FHIP1A: variants seen among roughly 807,000 people sequenced by gnomAD.
The protein encoded by FHIP1A is FHF complex subunit HOOK-interacting protein 1A.
A neutral mutation model predicts 88.6 loss-of-function variants in FHIP1A; 61 were observed. That is an observed-to-expected ratio of 0.69 (90% CI 0.56 to 0.85). The LOEUF is 0.85. Ranked by LOEUF, FHIP1A falls within the 40% of genes least tolerant of loss-of-function variation. The pLI is 0.00. For synonymous variants in FHIP1A, 478 were observed against 496.0 expected, an observed-to-expected ratio of 0.96 and a Z score of 0.48; for missense variants, 1,154 against 1,273.5, an observed-to-expected ratio of 0.91 and a Z score of 1.43.
chr4:151,468,502 T>C (rs1358932272), intron 2 of FHIP1A, among the ~76,000 whole-genome samples: 4 of 152,142 alleles, frequency 2.6e-5, no homozygotes, highest in African/African-American at 9.7e-5. Context: ...TCTATTAGCA[T>C]TCTTCTTGCT....
At chr4:151,563,208 A>G (rs1441418750) in intron 3 of FHIP1A, among the ~76,000 whole-genome samples, 1 of 152,104 alleles carries the variant, frequency 6.6e-6, no homozygotes, top group Non-Finnish European at 1.5e-5. Context: ...AAGCTATTGT[A>G]TATATATTTT....
At chr4:151,568,876 G>A (rs1392768247) in intron 4 of FHIP1A, among the ~76,000 whole-genome samples, 1 of 152,102 alleles carries the variant, frequency 6.6e-6, no homozygotes, top group Non-Finnish European at 1.5e-5. Flanking sequence ...AGCTTTTTTG[G>A]ATGGTACATA....
Position 151,666,467 on chromosome 4 carries a change from T to C in FHIP1A, c.*3713T>C, listed in dbSNP as rs1328202606. On this transcript the variant is annotated 3_prime_UTR_variant, in exon 14 of 14. Transcript: ENST00000435205. ...GAGTACCCTTTCCTTAGCAGGTGGA[T>C]TTTATTTAGGTCAGATATAGTTAGT... 6.6e-6 allele frequency among the ~76,000 whole-genome samples: 1 copy of C among 152,188 alleles called. No individual in the cohort carries two copies. The highest frequency in any genetic ancestry group is 1.5e-5 in the Non-Finnish European group (1 of 68,042).
At chr4:151,521,689 G>A (rs1248513066) in intron 3 of FHIP1A, among the ~76,000 whole-genome samples, 1 of 58,908 alleles carries the variant, frequency 1.7e-5, no homozygotes, top group Non-Finnish European at 4.3e-5. Flanking sequence ...ATGTATGTAT[G>A]TATGTATGTA....
intron 3 of FHIP1A, among the ~76,000 whole-genome samples, chr4:151,511,342 T>G (rs1731020720): frequency 6.6e-6 from 1 of 152,168 alleles, no homozygotes; most frequent in Non-Finnish European, 1.5e-5. Flanking sequence ...GGTCTACAGC[T>G]CCTAGTGTGA....
At chr4:151,615,275 A>T (rs1270646859) in intron 7 of FHIP1A, among the ~76,000 whole-genome samples, 1 of 36,508 alleles carries the variant, frequency 2.7e-5, no homozygotes, top group Non-Finnish European at 4.5e-5. Context: ...AAAACCATGA[A>T]ATTTATTATC....
At chr4:151,489,565 G>C (rs1191724155) in intron 3 of FHIP1A, among the ~76,000 whole-genome samples, 2 of 152,158 alleles carry the variant, frequency 1.3e-5, no homozygotes, top group Non-Finnish European at 2.9e-5. Flanking sequence ...TCTCAGCAGG[G>C]AGGCTTGTAG....
At chr4:151,637,697 A>G (rs7685697) in intron 8 of FHIP1A, among the ~76,000 whole-genome samples, 48,582 of 152,066 alleles carry the variant, frequency 0.32, 7,788 homozygotes, top group Non-Finnish European at 0.33. Context: ...GAGTTAGCCC[A>G]TGGGGGAGTC....
intron 3 of FHIP1A, among the ~76,000 whole-genome samples, chr4:151,518,534 A>G (rs1055056368): frequency 2.6e-5 from 4 of 152,140 alleles, no homozygotes; most frequent in African/African-American, 9.7e-5. Context: ...TCAAACATAG[A>G]GCAAAGTTGA....
Position 151,664,236 on chromosome 4 carries a change from C to A in FHIP1A, c.*1482C>A, listed in dbSNP as rs577127891. On this transcript the variant is annotated 3_prime_UTR_variant, in exon 14 of 14. Transcript: ENST00000435205. ...GCAGCCACAGGTCTGGTGGTTGTGC[C>A]TCAGGAGCACTGGTTTGGTCTTAAT... 2.6e-5 allele frequency among the ~76,000 whole-genome samples: 4 copies of A among 152,208 alleles called. No individual in the cohort carries two copies. The highest frequency in any genetic ancestry group is 5.9e-5 in the Non-Finnish European group (4 of 68,044).
chr4:151,602,048 T>G (rs1734892502), intron 7 of FHIP1A, among the ~76,000 whole-genome samples: 1 of 152,008 alleles, frequency 6.6e-6, no homozygotes, highest in Non-Finnish European at 1.5e-5. Context: ...CAGAACAGCA[T>G]GGGAAAGACC....
chr4:151,433,956 A>AT (rs1256340572), intron 1 of FHIP1A, among the ~76,000 whole-genome samples: 45 of 152,300 alleles, frequency 3.0e-4, no homozygotes, highest in African/African-American at 1.1e-3. Context: ...TTTTTCCGTC[A>AT]TATCTTTCAG....
At chr4:151,580,042 TACG>T (rs1395826409) in intron 5 of FHIP1A, among the ~76,000 whole-genome samples, 1 of 152,232 alleles carries the variant, frequency 6.6e-6, no homozygotes, top group African/African-American at 2.4e-5. Flanking sequence ...AATTCCTTAA[TACG>T]ACTAGTATCC....
At chr4:151,622,031 C>G (rs913829441) in intron 7 of FHIP1A, among the ~76,000 whole-genome samples, 2 of 152,084 alleles carry the variant, frequency 1.3e-5, no homozygotes, top group East Asian at 3.8e-4. Context: ...CATCTTGACA[C>G]ATTTATTGAT....
intron 2 of FHIP1A, among the ~76,000 whole-genome samples, chr4:151,461,778 C>T (rs756509151): frequency 5.9e-5 from 9 of 152,278 alleles, no homozygotes; most frequent in Non-Finnish European, 5.9e-5. Context: ...ATAGCCTAAT[C>T]GAGTCAGATC....
At chr4:151,413,290 A>G in intron 1 of FHIP1A, among the ~76,000 whole-genome samples, 1 of 152,174 alleles carries the variant, frequency 6.6e-6, no homozygotes, top group South Asian at 2.1e-4. Flanking sequence ...ATTTACAAAT[A>G]TAGAAGTAAT....
At chr4:151,451,247 A>G (rs1007830051) in intron 1 of FHIP1A, among the ~76,000 whole-genome samples, 4 of 151,954 alleles carry the variant, frequency 2.6e-5, no homozygotes, top group Non-Finnish European at 4.4e-5. Context: ...AACTTTCATT[A>G]TGTACTATAG....
rs1737645885 is a variant in FHIP1A at position 151,665,870 on chromosome 4, C to T, written c.*3116C>T. On this transcript the variant is annotated 3_prime_UTR_variant, in exon 14 of 14. Transcript: ENST00000435205. ...AGAGTGTGGACACTTCTCTATGTGA[C>T]AGGCTCCTACACCAGTCGCTGTGCT... is the stretch of plus-strand genomic sequence containing the variant. Among the ~76,000 whole-genome samples the T allele has an allele frequency of 6.6e-6, 1 of 152,214 alleles. No individual in the cohort carries two copies. The highest frequency in any genetic ancestry group is 6.5e-5 in the Admixed American group (1 of 15,284).
intron 11 of FHIP1A, among the ~76,000 whole-genome samples, chr4:151,652,310 C>G (rs1164592529): frequency 6.6e-6 from 1 of 152,134 alleles, no homozygotes; most frequent in Non-Finnish European, 1.5e-5. Context: ...TCTTTTGAAC[C>G]TTATACACAG....
Sources: allele counts gnomAD v4.1 joint callset (sites outside exome capture counted in the v4.1 genomes callset), GRCh38; gene constraint gnomAD v4.1.1; transcripts MANE v1.5; gene names NCBI Gene and HGNC (gene_info 2026-07-23, HGNC 2026-07-21).